The following BICDL1 variants were observed in gnomAD, a reference collection of about 807,000 sequenced individuals.
BICDL1 encodes BICD family-like cargo adapter 1.
A neutral mutation model predicts 76.8 loss-of-function variants in BICDL1; 20 were observed. That is an observed-to-expected ratio of 0.26 (90% CI 0.18 to 0.38). BICDL1 has a LOEUF of 0.38. Among genes scored for constraint, BICDL1 ranks in the 10% least tolerant of loss-of-function variants. The pLI, the probability that BICDL1 is intolerant of heterozygous loss-of-function variation, is 1.00. For synonymous variants in BICDL1, 383 were observed against 337.1 expected, an observed-to-expected ratio of 1.14 and a Z score of -1.49; for missense variants, 700 against 798.6, an observed-to-expected ratio of 0.88 and a Z score of 1.49.
At chr12:120,013,386 TCTC>T (rs1419879968) in intron 2 of BICDL1, among the ~76,000 whole-genome samples, 13 of 151,730 alleles carry the variant, frequency 8.6e-5, no homozygotes, top group Non-Finnish European at 1.6e-4. Context: ...TTATATTTCT[TCTC>T]CTGCTAGGTT....
intron 2 of BICDL1, chr12:120,000,402 C>A (rs745604981): frequency 3.3e-5 from 5 of 152,160 alleles, no homozygotes; most frequent in Admixed American, 6.5e-5. Context: ...TTTTCAGCAA[C>A]TGGGAATGGA....
chr12:120,007,743 C>T (rs577564725), intron 2 of BICDL1, among the ~76,000 whole-genome samples: 1 of 152,330 alleles, frequency 6.6e-6, no homozygotes, highest in South Asian at 2.1e-4. Flanking sequence ...GCGTCTGGTA[C>T]ACTTCTTGAA....
intron 2 of BICDL1, among the ~76,000 whole-genome samples, chr12:120,042,996 C>G (rs1269624011): frequency 6.6e-6 from 1 of 152,120 alleles, no homozygotes; most frequent in Non-Finnish European, 1.5e-5. Flanking sequence ...TAGTAGCACT[C>G]TCATTGGCTT....
At chr12:119,999,771 C>T (rs1352565211) in intron 2 of BICDL1, 1 of 444,384 alleles carries the variant, frequency 2.3e-6, no homozygotes, top group South Asian at 1.6e-5. Context: ...AAAATTAAGA[C>T]TTGGATTTAC....
At chr12:120,058,590 CTTTTTTTTTT>C (rs1039285394) in intron 2 of BICDL1, among the ~76,000 whole-genome samples, 1 of 136,148 alleles carries the variant, frequency 7.3e-6, no homozygotes, top group Non-Finnish European at 1.6e-5. Context: ...AAATTTTTTT[CTTTTTTTTTT>C]TTTTTTTTGA....
At chr12:120,051,188 C>T (rs935458932) in intron 2 of BICDL1, among the ~76,000 whole-genome samples, 30 of 152,160 alleles carry the variant, frequency 2.0e-4, no homozygotes, top group African/African-American at 7.2e-4. Context: ...GTTGGGATTA[C>T]AGGCACACAC....
At chr12:120,089,284 GTGTGTA>G (rs948911616) in intron 8 of BICDL1, among the ~76,000 whole-genome samples, 3 of 133,754 alleles carry the variant, frequency 2.2e-5, no homozygotes, top group Admixed American at 6.9e-5. Flanking sequence ...GTGTGTGTGT[GTGTGTA>G]TGTGTGTGTG....
rs1951464307 is a variant in BICDL1 at position 119,989,447 on chromosome 12, T to C, written c.-422T>C. Among the ~76,000 whole-genome samples, 1 of 125,444 alleles carries C rather than the reference T, an allele frequency of 8.0e-6. No individual in the cohort carries two copies. The highest frequency in any genetic ancestry group is 2.9e-4 in the South Asian group (1 of 3,488). 82.3% of individuals were successfully genotyped at this position (125,444 alleles called of 152,430 possible). A position where few individuals can be genotyped will look rare whatever the true frequency, so the allele number is the denominator to read the frequency against. On this transcript the variant is annotated 5_prime_UTR_variant, in exon 1 of 10. Transcript: ENST00000548673. Reference sequence around the variant, plus strand: ...GAGCGCAGCCCGCCCCGTGAGGCGCTGCCCGGCCGGCGGCGGCAGCAGCAG... The same window carrying C: ...GAGCGCAGCCCGCCCCGTGAGGCGCCGCCCGGCCGGCGGCGGCAGCAGCAG...
At chr12:120,037,246 T>G (rs548993821) in intron 2 of BICDL1, among the ~76,000 whole-genome samples, 2 of 152,340 alleles carry the variant, frequency 1.3e-5, no homozygotes, top group South Asian at 4.1e-4. Context: ...TCTTCTCTGG[T>G]ATGTTAGTTT....
intron 2 of BICDL1, among the ~76,000 whole-genome samples, chr12:120,012,507 C>G (rs1249172769): frequency 1.3e-5 from 2 of 152,212 alleles, no homozygotes; most frequent in Non-Finnish European, 2.9e-5. Context: ...TTGTCCCAGT[C>G]TGGTGATGTT....
chr12:120,090,880 C>T (rs754642303), intron 9 of BICDL1: 260 of 1,288,710 alleles, frequency 2.0e-4, no homozygotes, highest in Admixed American at 3.0e-4. Flanking sequence ...CCTGGCTGAC[C>T]GCTGCTCTCT....
intron 8 of BICDL1, 126 bp from the exon 9 acceptor site, chr12:120,089,825 T>A: frequency 9.2e-7 from 1 of 1,090,322 alleles, no homozygotes; most frequent in Non-Finnish European, 1.3e-6. Context: ...TTGTTGCAGC[T>A]GCTATTTGTT....
At chr12:120,044,536 G>A (rs910090637) in intron 2 of BICDL1, among the ~76,000 whole-genome samples, 1 of 152,146 alleles carries the variant, frequency 6.6e-6, no homozygotes, top group Non-Finnish European at 1.5e-5. Flanking sequence ...TAGCCTTCCT[G>A]TTTATTACGA....
intron 7 of BICDL1, among the ~76,000 whole-genome samples, chr12:120,077,618 CAG>C (rs1392895095): frequency 1.3e-5 from 2 of 152,210 alleles, no homozygotes; most frequent in Admixed American, 1.3e-4. Flanking sequence ...CATGAACATG[CAG>C]AGAGTGCTGG....
rs140657593 is a variant in BICDL1, at chr12:120,048,601, C to A, written c.646-13109C>A. 2.6e-3 allele frequency among the ~76,000 whole-genome samples: 389 copies of A among 152,268 alleles called. 1 individual carries two copies. Among genetic ancestry groups the A allele is most frequent in the African/African-American group, 9.1e-3 (378 of 41,572 alleles). ...ATTTTTTCCCTATCTCATTTGGTTA[C>A]CTATCCCTTACTCACTCTGTGACCA... On this transcript the variant is annotated intron_variant, in intron 2 of 9. Coordinates refer to ENST00000548673, the MANE Select transcript of BICDL1 (RefSeq NM_001367886.1).
chr12:120,002,441 G>T (rs529614663), intron 2 of BICDL1, among the ~76,000 whole-genome samples: 1 of 152,228 alleles, frequency 6.6e-6, no homozygotes, highest in African/African-American at 2.4e-5. Flanking sequence ...TTTCTGGGGG[G>T]TTGCATATAC....
rs116710118 is a variant in BICDL1 at position 120,011,299 on chromosome 12, T to C, written c.645+12563T>C. 8.0e-3 allele frequency among the ~76,000 whole-genome samples: 1,220 copies of C among 152,260 alleles called. 17 individuals are homozygous for C. Among genetic ancestry groups the C allele is most frequent in the African/African-American group, 0.027 (1,113 of 41,546 alleles). On this transcript the variant is annotated intron_variant, in intron 2 of 9. Coordinates refer to ENST00000548673, the MANE Select transcript of BICDL1 (RefSeq NM_001367886.1). ...CTCAGTTACAAGAAAACCTGGGAAA[T>C]GTAGACCAGCTTTTTGCCCAGGGAG...
At chr12:119,997,417 C>A (rs894078468) in intron 1 of BICDL1, among the ~76,000 whole-genome samples, 5 of 152,150 alleles carry the variant, frequency 3.3e-5, no homozygotes, top group African/African-American at 4.8e-5. Flanking sequence ...CTGTTTTGCT[C>A]ATTAGAACGT....
chr12:120,039,724 G>T (rs1952600037), intron 2 of BICDL1, among the ~76,000 whole-genome samples: 1 of 151,792 alleles, frequency 6.6e-6, no homozygotes, highest in African/African-American at 2.4e-5. Flanking sequence ...TCAAACTGTA[G>T]GTATTATAAC....
Sources: allele counts gnomAD v4.1 joint callset (sites outside exome capture counted in the v4.1 genomes callset), GRCh38; gene constraint gnomAD v4.1.1; transcripts MANE v1.5; gene names NCBI Gene and HGNC (gene_info 2026-07-23, HGNC 2026-07-21).